MAN1A1: variants seen among roughly 807,000 people sequenced by gnomAD.
The protein encoded by MAN1A1 is mannosyl-oligosaccharide 1,2-alpha-mannosidase IA.
Under a neutral mutation model 70.8 loss-of-function variants are expected in MAN1A1, and 29 were observed. The ratio of observed to expected loss-of-function variants is 0.41; its 90% CI spans 0.31 to 0.56. The LOEUF is 0.56. MAN1A1 is among the 20% of genes least tolerant of loss of function. The pLI is 0.29. For missense variants in MAN1A1, 747 were observed against 841.3 expected, an observed-to-expected ratio of 0.89 and a Z score of 1.39; for synonymous variants, 349 against 330.1, an observed-to-expected ratio of 1.06 and a Z score of -0.62.
At chr6:119,235,747 T>TAGCTTCAA (rs1312009937) in intron 6 of MAN1A1, among the ~76,000 whole-genome samples, 1 of 152,202 alleles carries the variant, frequency 6.6e-6, no homozygotes, top group Non-Finnish European at 1.5e-5. Flanking sequence ...AATCATTGCC[T>TAGCTTCAA]AGCTTCAAAG....
intron 5 of MAN1A1, among the ~76,000 whole-genome samples, chr6:119,251,174 T>A (rs1278343239): frequency 3.3e-5 from 5 of 152,166 alleles, no homozygotes; most frequent in Non-Finnish European, 7.3e-5. Flanking sequence ...CATTAATAAT[T>A]TTTCCTCATT....
rs115824001 is a variant in MAN1A1 at position 119,346,564 on chromosome 6, G to A, written c.603+1899C>T. Among the ~76,000 whole-genome samples the A allele has an allele frequency of 1.9e-3, 285 of 152,260 alleles. 4 individuals carry two copies. The South Asian group carries it at 0.026, about 14-fold the overall frequency. The stretch of plus-strand genomic sequence containing the variant: ...GAGACTACGTAAATCTCGTTTACAC[G>A]GTTAATTAAGACCTTGTGATTTAGG... On this transcript the variant is annotated intron_variant, in intron 2 of 12. Coordinates refer to ENST00000368468, the MANE Select transcript of MAN1A1 (RefSeq NM_005907.4).
At chr6:119,187,345 G>A (rs956433356) in intron 11 of MAN1A1, among the ~76,000 whole-genome samples, 1 of 152,090 alleles carries the variant, frequency 6.6e-6, no homozygotes, top group Non-Finnish European at 1.5e-5. Flanking sequence ...GTTTAGAAAA[G>A]CTTCAACTTT....
chr6:119,206,428 C>T lies in MAN1A1; in HGVS notation c.993-1546G>A, dbSNP rs185162179. On this transcript the variant is annotated intron_variant, in intron 6 of 12. Coordinates refer to ENST00000368468, the MANE Select transcript of MAN1A1 (RefSeq NM_005907.4). The stretch of plus-strand genomic sequence containing the variant: ...AGAGAGAAACCATGAGGATTACTGG[C>T]GCTTGCAGTCCTGGGCTCGCCTCAC... 1.2e-3 allele frequency among the ~76,000 whole-genome samples: 176 copies of T among 152,286 alleles called. 1 individual carries two copies. The highest frequency in any genetic ancestry group is 3.4e-3 in the Middle Eastern group (1 of 294).
Position 119,349,285 on chromosome 6 carries a change from C to A in MAN1A1, c.-220G>T. The A allele has an allele frequency of 8.3e-7, 1 of 1,210,486 alleles. No individual in the cohort carries two copies. Among genetic ancestry groups the A allele is most frequent in the Non-Finnish European group, 1.0e-6 (1 of 974,918 alleles). 75.0% of individuals were successfully genotyped at this position (1,210,486 alleles called of 1,614,324 possible). ...ACGCGCGACAGACCGCTGGCTGCAG[C>A]CCCTGCGGGGAGAGAAACAGTAAAA... On this transcript the variant is annotated splice_region_variant and 5_prime_UTR_variant, in exon 2 of 13. Coordinates refer to ENST00000368468, the MANE Select transcript of MAN1A1 (RefSeq NM_005907.4).
At position 119,276,514 on chromosome 6, in the gene MAN1A1, T is replaced by C. The variant is rs115481275; in HGVS notation, c.897+14169A>G. 7.5e-3 allele frequency among the ~76,000 whole-genome samples: 1,143 copies of C among 152,286 alleles called. 21 individuals are homozygous for C. The highest frequency in any genetic ancestry group is 0.025 in the African/African-American group (1,055 of 41,568). On this transcript the variant is annotated intron_variant, in intron 5 of 12. Transcript: ENST00000368468. ...ATGATAGAGAGAAGTCTACTATAAC[T>C]AGTCATTCAGGGCTCAATTCTAAAT...
At chr6:119,226,351 G>A (rs1774513593) in intron 6 of MAN1A1, among the ~76,000 whole-genome samples, 1 of 152,192 alleles carries the variant, frequency 6.6e-6, no homozygotes, top group Non-Finnish European at 1.5e-5. Context: ...GGTGGACGCT[G>A]CACATGACAC....
At chr6:119,214,362 G>A (rs1411784513) in intron 6 of MAN1A1, among the ~76,000 whole-genome samples, 1 of 152,070 alleles carries the variant, frequency 6.6e-6, no homozygotes, top group Non-Finnish European at 1.5e-5. Context: ...ATTAAAAAAT[G>A]TTTCAAAGAA....
intron 5 of MAN1A1, among the ~76,000 whole-genome samples, chr6:119,275,347 C>G (rs1226352084): frequency 3.0e-4 from 29 of 97,414 alleles, no homozygotes; most frequent in African/African-American, 4.3e-4. Flanking sequence ...CGCTCTGTCG[C>G]CCAGGCTGGA....
intron 5 of MAN1A1, among the ~76,000 whole-genome samples, chr6:119,276,038 A>G (rs976222053): frequency 6.6e-6 from 1 of 152,206 alleles, no homozygotes; most frequent in Non-Finnish European, 1.5e-5. Flanking sequence ...TTTTATCACC[A>G]TTGCTGCCCT....
At chr6:119,329,221 C>A (rs195062) in intron 2 of MAN1A1, among the ~76,000 whole-genome samples, 6 of 152,018 alleles carry the variant, frequency 3.9e-5, no homozygotes, top group Non-Finnish European at 7.4e-5. Context: ...ATGCTTATTA[C>A]AAAGTCTATT....
chr6:119,277,733 G>C (rs1203423440), intron 5 of MAN1A1, among the ~76,000 whole-genome samples: 1 of 151,712 alleles, frequency 6.6e-6, no homozygotes, highest in Non-Finnish European at 1.5e-5. Context: ...TCAGGAGATG[G>C]AGACCATCCT....
intron 4 of MAN1A1, among the ~76,000 whole-genome samples, chr6:119,301,358 A>T (rs1030458450): frequency 1.3e-5 from 2 of 152,218 alleles, no homozygotes; most frequent in Non-Finnish European, 2.9e-5. Flanking sequence ...GAAGTATTAG[A>T]AGTATTCACT....
intron 4 of MAN1A1, among the ~76,000 whole-genome samples, chr6:119,298,167 A>G (rs1020934957): frequency 6.6e-6 from 1 of 152,218 alleles, no homozygotes. Context: ...TTAAAATTAG[A>G]AAATGCATTC....
At position 119,181,219 on chromosome 6, in the gene MAN1A1, CAG is replaced by C. The variant is rs1451444303; in HGVS notation, c.1720-794_1720-793del. Reference sequence around the variant, plus strand: ...AAGCCTGATATTGTCTGGCCCTTAACAGAAAGAGTTTGCTGACCCCTAGTTTG... The same window carrying C: ...AAGCCTGATATTGTCTGGCCCTTAACAAAGAGTTTGCTGACCCCTAGTTTG... On this transcript the variant is annotated intron_variant, in intron 11 of 12. Coordinates refer to ENST00000368468, the MANE Select transcript of MAN1A1 (RefSeq NM_005907.4). Among the ~76,000 whole-genome samples, 3 of 152,256 alleles carry C rather than the reference CAG, an allele frequency of 2.0e-5. No homozygotes were observed. The East Asian group carries it at 5.8e-4, about 29-fold the overall frequency.
At chr6:119,217,759 T>C (rs1031707791) in intron 6 of MAN1A1, among the ~76,000 whole-genome samples, 8 of 152,190 alleles carry the variant, frequency 5.3e-5, no homozygotes, top group African/African-American at 1.9e-4. Flanking sequence ...CCTACCCCAT[T>C]GCAATTCCTC....
At chr6:119,245,734 T>C (rs1317102154) in intron 6 of MAN1A1, among the ~76,000 whole-genome samples, 1 of 152,174 alleles carries the variant, frequency 6.6e-6, no homozygotes, top group African/African-American at 2.4e-5. Flanking sequence ...AAGAAATTAT[T>C]ATCAGCTGCC....
chr6:119,244,784 A>AGT (rs995064656), intron 6 of MAN1A1, among the ~76,000 whole-genome samples: 1 of 152,160 alleles, frequency 6.6e-6, no homozygotes, highest in African/African-American at 2.4e-5. Context: ...TACATGTGTG[A>AGT]GTGTGTAACA....
In MAN1A1 at chr6:119,189,694, G is replaced by C. The variant is rs773559572; in HGVS notation, c.1516C>G (p.Arg506Gly). 20 of 1,613,794 alleles carry C rather than the reference G, an allele frequency of 1.2e-5. No individual in the cohort carries two copies. In the South Asian group the frequency reaches 2.2e-4, roughly 18 times the overall value. ...CGATTATATGATTCATGACAAGTAC[G>C]GGCAATTTCAGCCCCGAGTTCAAGG... is the stretch of plus-strand genomic sequence containing the variant. ...HYLELGAEIA[R>G]TCHESYNRTF... Residue 506 changes from arginine to glycine, a missense_variant, in exon 10 of 13, where the codon CGT becomes GGT. Arg to Gly is a moderately radical substitution (Grantham distance 125). This residue lies in a region of MAN1A1 where 419 missense variants were observed against 548.2 expected (regional missense o/e 0.76). Coordinates refer to ENST00000368468, the MANE Select transcript of MAN1A1 (RefSeq NM_005907.4).
Sources: gnomAD v4.1 joint callset for allele counts (sites outside exome capture counted in the v4.1 genomes callset) on GRCh38, gnomAD v4.1.1 for gene constraint, gnomAD v4.1.1 regional missense constraint, MANE v1.5 for transcripts, NCBI Gene and HGNC (gene_info 2026-07-23, HGNC 2026-07-21) for gene names.